Variants in ACAD10 observed in about 807,000 individuals in gnomAD.
The protein encoded by ACAD10 is ACAD-10.
In ACAD10, 112 loss-of-function variants were observed where a neutral mutation model predicts 116.8. That is an observed-to-expected ratio of 0.96 (90% CI 0.82 to 1.12). The LOEUF (loss-of-function observed/expected upper bound fraction) is 1.12, where lower values mean the gene tolerates loss of function less well. Ranked by LOEUF, ACAD10 falls within the 50% of genes most tolerant of loss-of-function variation. The pLI is 0.00. For missense variants in ACAD10, 1,259 were observed against 1,350.2 expected, an observed-to-expected ratio of 0.93 and a Z score of 1.06; for synonymous variants, 486 against 510.6, an observed-to-expected ratio of 0.95 and a Z score of 0.65.
At chr12:111,712,008 CT>C (rs1268223731) in intron 5 of ACAD10, among the ~76,000 whole-genome samples, 1 of 152,200 alleles carries the variant, frequency 6.6e-6, no homozygotes. Context: ...TTACTTCCTT[CT>C]TCCTTTGTTT....
At position 111,756,844 on chromosome 12, in the gene ACAD10, G is replaced by A; in HGVS notation, c.*371G>A. 1 of 466,196 alleles carries A rather than the reference G, an allele frequency of 2.1e-6. No individual in the cohort carries two copies. Among genetic ancestry groups the A allele is most frequent in the Non-Finnish European group, 4.3e-6 (1 of 233,778 alleles). The allele number at this position is 466,196 out of a possible 1,614,324, so 28.9% of individuals were successfully genotyped here. On this transcript the variant is annotated 3_prime_UTR_variant, in exon 21 of 21. Coordinates refer to ENST00000313698, the MANE Select transcript of ACAD10 (RefSeq NM_025247.6). ...GACACATTTTGGGAGGCCTCCCAAG[G>A]CTGTGGGACGTGCTTGCTCTGGCAG...
intron 2 of ACAD10, chr12:111,693,171 C>T (rs1163041899): frequency 6.9e-6 from 3 of 437,794 alleles, no homozygotes; most frequent in Non-Finnish European, 8.3e-6. Context: ...GAAGCACTTG[C>T]TTAGCACAGT....
chr12:111,741,951 A>G (rs770853631), intron 12 of ACAD10, among the ~76,000 whole-genome samples: 3 of 152,190 alleles, frequency 2.0e-5, no homozygotes, highest in Non-Finnish European at 4.4e-5. Context: ...ACCAGAGCCC[A>G]GTGAGCAGAA....
rs1459222712 is a variant in ACAD10 at position 111,755,663 on chromosome 12, T to C, written c.2962-5T>C. 5.0e-6 allele frequency: 8 copies of C among 1,613,398 alleles called. No individual in the cohort carries two copies. The highest frequency in any genetic ancestry group is 3.3e-5 in the Admixed American group (2 of 59,986). On this transcript the variant is annotated splice_region_variant and splice_polypyrimidine_tract_variant and intron_variant, in intron 19 of 20. Transcript: ENST00000313698. ...TTTTATGATCGCATCTCCTCCTCCT[T>C]ACAGGCTGCAGCCTTGGATATAGCC...
At chr12:111,745,961 C>G (rs944091585) in intron 13 of ACAD10, among the ~76,000 whole-genome samples, 183 bp from the exon 14 acceptor site, 1 of 151,492 alleles carries the variant, frequency 6.6e-6, no homozygotes, top group African/African-American at 2.4e-5. Context: ...CCCACTTCAG[C>G]CTCCTGTGTA....
intron 2 of ACAD10, among the ~76,000 whole-genome samples, chr12:111,695,850 C>T (rs1396506458): frequency 6.6e-6 from 1 of 151,856 alleles, no homozygotes; most frequent in Non-Finnish European, 1.5e-5. Flanking sequence ...CCAATCTCTA[C>T]TAAAAATTCA....
At chr12:111,754,639 G>A (rs2135996674) in intron 19 of ACAD10, among the ~76,000 whole-genome samples, 1 of 152,310 alleles carries the variant, frequency 6.6e-6, no homozygotes, top group Middle Eastern at 3.4e-3. Context: ...CATGCTCACA[G>A]TTCCTGGTTC....
chr12:111,728,716 G>T (rs1029326203), intron 9 of ACAD10, among the ~76,000 whole-genome samples: 2 of 152,056 alleles, frequency 1.3e-5, no homozygotes, highest in Admixed American at 1.3e-4. Context: ...TTGAGACAGG[G>T]TCTCTCTCTG....
rs962104406 is a variant in ACAD10, at chr12:111,710,449, C to T, written c.690+765C>T. On this transcript the variant is annotated intron_variant, in intron 5 of 20. Transcript: ENST00000313698. ...GATGGGCCTGTAGGGTAAGAGCAAA[C>T]GTTGTAACATAATCTTCTTTCTTCT... The T allele has an allele frequency of 6.7e-5, 19 of 282,606 alleles. No individual in the cohort carries two copies. In the Admixed American group the frequency reaches 8.2e-4, roughly 12 times the overall value. The allele number at this position is 282,606 out of a possible 1,614,324, so 17.5% of individuals were successfully genotyped here.
chr12:111,733,648 A>G (rs1265797565), intron 10 of ACAD10: 1 of 473,146 alleles, frequency 2.1e-6, no homozygotes, highest in African/African-American at 1.9e-5. Flanking sequence ...CCCGGAACCC[A>G]GAGAGGCTAG....
At chr12:111,750,095 G>GTTT (rs199931703) in intron 18 of ACAD10, among the ~76,000 whole-genome samples, 2 of 132,240 alleles carry the variant, frequency 1.5e-5, no homozygotes, top group East Asian at 4.5e-4. Context: ...AGTTTTTTTT[G>GTTT]TTTTTTTTTT....
intron 2 of ACAD10, among the ~76,000 whole-genome samples, chr12:111,700,390 C>A (rs1341720460): frequency 6.6e-6 from 1 of 152,118 alleles, no homozygotes; most frequent in African/African-American, 2.4e-5. Flanking sequence ...TTGTACATAA[C>A]CTTTGCTTAC....
intron 20 of ACAD10, 157 bp downstream of exon 20, chr12:111,755,902 C>A: frequency 2.4e-6 from 2 of 817,002 alleles, no homozygotes; most frequent in Non-Finnish European, 4.0e-6. Context: ...CAGAATGACC[C>A]AGCAAGGTGG....
intron 8 of ACAD10, among the ~76,000 whole-genome samples, chr12:111,727,057 C>A (rs138589464): frequency 6.6e-6 from 1 of 151,938 alleles, no homozygotes; most frequent in African/African-American, 2.4e-5. Context: ...GAAACCCCAT[C>A]TCTACTAAAA....
intron 3 of ACAD10, 142 bp downstream of exon 3, chr12:111,702,452 C>T (rs1888374439): frequency 8.3e-7 from 1 of 1,200,226 alleles, no homozygotes; most frequent in Non-Finnish European, 1.1e-6. Flanking sequence ...TTTCTTAGGC[C>T]AGGCGCAGTG....
At chr12:111,723,298 G>A (rs1350825712) in intron 8 of ACAD10, among the ~76,000 whole-genome samples, 3 of 139,094 alleles carry the variant, frequency 2.2e-5, no homozygotes, top group Non-Finnish European at 3.2e-5. Flanking sequence ...CTCCCAGACG[G>A]GGCGGCTGGC....
At chr12:111,700,245 G>A (rs1593017391) in intron 2 of ACAD10, among the ~76,000 whole-genome samples, 1 of 152,122 alleles carries the variant, frequency 6.6e-6, no homozygotes, top group South Asian at 2.1e-4. Context: ...TGACCTTTGG[G>A]CAAGTTTATA....
chr12:111,700,734 C>T (rs1279228077), intron 2 of ACAD10, among the ~76,000 whole-genome samples: 3 of 147,996 alleles, frequency 2.0e-5, no homozygotes, highest in African/African-American at 7.5e-5. Flanking sequence ...TTCCTTCCTT[C>T]CTTCCTTCCT....
chr12:111,754,459 A>AT (rs1485104011), intron 19 of ACAD10, among the ~76,000 whole-genome samples: 2 of 151,876 alleles, frequency 1.3e-5, no homozygotes, highest in African/African-American at 4.8e-5. Flanking sequence ...CTAATTCTTT[A>AT]TTTTTTGTAG....
Sources: allele counts gnomAD v4.1 joint callset (sites outside exome capture counted in the v4.1 genomes callset), GRCh38; gene constraint gnomAD v4.1.1; transcripts MANE v1.5; gene names NCBI Gene and HGNC (gene_info 2026-07-23, HGNC 2026-07-21).